DEUP1: variants seen among roughly 807,000 people sequenced by gnomAD.
DEUP1 encodes the protein deuterosome assembly protein 1.
DEUP1 carries 82 observed loss-of-function variants against 87.4 expected under a neutral mutation model. The ratio of observed to expected loss-of-function variants is 0.94; its 90% confidence interval spans 0.78 to 1.13. DEUP1 has a LOEUF of 1.13. Among genes scored for constraint, DEUP1 ranks in the 50% most tolerant of loss-of-function variants. The probability of loss-of-function intolerance (pLI) is 0.00; values close to 1 mark genes in which losing one functional copy is unlikely to be tolerated. For synonymous variants in DEUP1, 214 were observed against 222.7 expected, an observed-to-expected ratio of 0.96 and a Z score of 0.35; for missense variants, 663 against 681.5, an observed-to-expected ratio of 0.97 and a Z score of 0.30.
At chr11:93,412,017 A>C (rs1310282463) in intron 12 of DEUP1, among the ~76,000 whole-genome samples, 1 of 152,226 alleles carries the variant, frequency 6.6e-6, no homozygotes, top group Non-Finnish European at 1.5e-5. Context: ...ATAGGTTGAC[A>C]GTTCTAGTAC....
At chr11:93,372,217 C>T (rs944948757) in intron 7 of DEUP1, among the ~76,000 whole-genome samples, 6 of 152,136 alleles carry the variant, frequency 3.9e-5, no homozygotes, top group African/African-American at 7.2e-5. Context: ...CGTGAGCCAC[C>T]GCGCCCGGCC....
At chr11:93,353,329 G>A (rs1944721477) in intron 2 of DEUP1, among the ~76,000 whole-genome samples, 1 of 152,194 alleles carries the variant, frequency 6.6e-6, no homozygotes, top group African/African-American at 2.4e-5. Context: ...TAGTCTTGGG[G>A]AGCTCTGCCC....
At chr11:93,347,131 G>A (rs1437302182) in intron 2 of DEUP1, among the ~76,000 whole-genome samples, 1 of 152,160 alleles carries the variant, frequency 6.6e-6, no homozygotes, top group Non-Finnish European at 1.5e-5. Context: ...TGTTTTCAAG[G>A]GGAATGCTTC....
At chr11:93,354,481 G>A (rs549092455) in intron 2 of DEUP1, among the ~76,000 whole-genome samples, 3 of 152,178 alleles carry the variant, frequency 2.0e-5, no homozygotes, top group African/African-American at 4.8e-5. Flanking sequence ...TTTCAGCAAC[G>A]CCCCACTCTA....
intron 6 of DEUP1, 40 bp downstream of exon 6, chr11:93,370,226 G>A: frequency 9.7e-7 from 1 of 1,036,248 alleles, no homozygotes; most frequent in Non-Finnish European, 1.5e-6. Context: ...AAAAGCAGAA[G>A]TTAAATATTG....
rs115560344 is a variant in DEUP1, at chr11:93,429,745, A to G, written c.1639-7798A>G. Among the ~76,000 whole-genome samples the G allele has an allele frequency of 7.6e-3, 1,152 of 152,258 alleles. 15 individuals are homozygous for G. Among genetic ancestry groups the G allele is most frequent in the African/African-American group, 0.027 (1,111 of 41,534 alleles). ...ATAGGGTCAGCACTAGTAGGCACAT[A>G]AAAGACATGCAGAAGTATCTGTTGA... On this transcript the variant is annotated intron_variant, in intron 13 of 13. Coordinates refer to ENST00000298050, the MANE Select transcript of DEUP1 (RefSeq NM_181645.4).
At chr11:93,350,029 G>A (rs919044554) in intron 2 of DEUP1, among the ~76,000 whole-genome samples, 4 of 152,176 alleles carry the variant, frequency 2.6e-5, no homozygotes, top group Non-Finnish European at 4.4e-5. Flanking sequence ...GTTTTGAGGA[G>A]TATATTTGGC....
At chr11:93,416,939 T>C (rs998758261) in intron 13 of DEUP1, among the ~76,000 whole-genome samples, 56 of 152,318 alleles carry the variant, frequency 3.7e-4, no homozygotes, top group African/African-American at 1.2e-3. Flanking sequence ...CACATGATTA[T>C]CTCAATAGAT....
intron 7 of DEUP1, among the ~76,000 whole-genome samples, chr11:93,382,450 G>C (rs1029769745): frequency 2.0e-5 from 3 of 152,060 alleles, no homozygotes; most frequent in Non-Finnish European, 4.4e-5. Context: ...GTGTAGTTAG[G>C]TCATGAATAA....
At chr11:93,353,122 TC>T (rs1358584401) in intron 2 of DEUP1, among the ~76,000 whole-genome samples, 1 of 152,178 alleles carries the variant, frequency 6.6e-6, no homozygotes, top group Non-Finnish European at 1.5e-5. Context: ...GCTAGTTACT[TC>T]CTAGATATAA....
intron 7 of DEUP1, among the ~76,000 whole-genome samples, chr11:93,377,372 T>G (rs1461910933): frequency 6.6e-6 from 1 of 152,178 alleles, no homozygotes; most frequent in Non-Finnish European, 1.5e-5. Context: ...ATAATGTCCC[T>G]TTTTGCCTTT....
intron 4 of DEUP1, chr11:93,357,480 C>T (rs1163487090): frequency 6.4e-6 from 1 of 157,400 alleles, no homozygotes; most frequent in African/African-American, 2.4e-5. Context: ...TACCTTGTTA[C>T]TGGTAGGACT....
Position 93,415,127 on chromosome 11 carries a change from T to G in DEUP1, c.1638+13T>G. On this transcript the variant is annotated intron_variant, in intron 13 of 13. Coordinates refer to ENST00000298050, the MANE Select transcript of DEUP1 (RefSeq NM_181645.4). The stretch of plus-strand genomic sequence containing the variant: ...TGTATTCCCACTGGTGAGTTGCTGG[T>G]TGTGGGCTTTTTTTTTCTTTAATGG... The G allele has an allele frequency of 6.5e-7, 1 of 1,543,578 alleles. No individual in the cohort carries two copies. The highest frequency in any genetic ancestry group is 8.9e-7 in the Non-Finnish European group (1 of 1,119,178).
intron 11 of DEUP1, 22 bp downstream of exon 11, chr11:93,396,347 A>G (rs767277834): frequency 1.2e-5 from 16 of 1,387,542 alleles, no homozygotes; most frequent in Admixed American, 4.7e-5. Context: ...ACATCATTCA[A>G]TAAATTGAAC....
At chr11:93,411,956 C>G (rs776280295) in intron 12 of DEUP1, among the ~76,000 whole-genome samples, 1 of 152,070 alleles carries the variant, frequency 6.6e-6, no homozygotes, top group African/African-American at 2.4e-5. Context: ...CATCTAGAAG[C>G]CTGAATCTGA....
In DEUP1 at chr11:93,437,704, A is replaced by T; in HGVS notation, c.1800A>T (p.Gln600His). The change falls in exon 14 of 14, where the codon CAA becomes CAT. Residue 600 changes from glutamine to histidine, a missense_variant. Gln to His is a conservative substitution (Grantham distance 24, BLOSUM62 0). Coordinates refer to ENST00000298050, the MANE Select transcript of DEUP1 (RefSeq NM_181645.4). ...FTLNKYSKLKQNRHI is the reference protein window; with the variant it reads ...FTLNKYSKLKHNRHI Reference sequence around the variant, plus strand: ...TTAATAAATACTCCAAGCTAAAACAAAATAGACACATATGAGCTTTTAAAC... The same window carrying T: ...TTAATAAATACTCCAAGCTAAAACATAATAGACACATATGAGCTTTTAAAC... 6.3e-7 allele frequency: 1 copy of T among 1,597,604 alleles called. No individual in the cohort carries two copies. The highest frequency in any genetic ancestry group is 1.7e-5 in the Admixed American group (1 of 59,748).
rs1294879858 is a variant in DEUP1 at position 93,399,010 on chromosome 11, A to G, written c.1326+2685A>G. Reference sequence around the variant, plus strand: ...AGTGCTGGGATTACAGGTGTGAGCCACCCCGTCCACCCTCATGTCAATTTT... The same window carrying G: ...AGTGCTGGGATTACAGGTGTGAGCCGCCCCGTCCACCCTCATGTCAATTTT... On this transcript the variant is annotated intron_variant, in intron 11 of 13. Coordinates refer to ENST00000298050, the MANE Select transcript of DEUP1 (RefSeq NM_181645.4). 3.3e-5 allele frequency among the ~76,000 whole-genome samples: 5 copies of G among 152,018 alleles called. No individual in the cohort carries two copies. The East Asian group carries it at 9.6e-4, about 29-fold the overall frequency.
intron 7 of DEUP1, 133 bp from the exon 8 acceptor site, chr11:93,385,265 G>A: frequency 3.7e-6 from 3 of 816,388 alleles, no homozygotes; most frequent in Non-Finnish European, 5.8e-6. Context: ...AATTCTATGA[G>A]ACAGAACAAG....
At chr11:93,356,470 A>G (rs1479555309) in intron 3 of DEUP1, among the ~76,000 whole-genome samples, 1 of 152,194 alleles carries the variant, frequency 6.6e-6, no homozygotes, top group Admixed American at 6.5e-5. Flanking sequence ...GAGACAAATT[A>G]TATAAGCCAA....
Sources: allele counts gnomAD v4.1 joint callset (sites outside exome capture counted in the v4.1 genomes callset), GRCh38; gene constraint gnomAD v4.1.1; transcripts MANE v1.5; gene names NCBI Gene and HGNC (gene_info 2026-07-23, HGNC 2026-07-21).